The following CFAP44 variants were observed in gnomAD, a reference collection of about 807,000 sequenced individuals.
The protein encoded by CFAP44 is cilia and flagella associated protein 44.
A neutral mutation model predicts 216.2 loss-of-function variants in CFAP44; 134 were observed. That is an observed-to-expected ratio of 0.62 (90% confidence interval 0.54 to 0.72). The LOEUF (loss-of-function observed/expected upper bound fraction) is 0.72, where lower values mean the gene tolerates loss of function less well. CFAP44 is among the 30% of genes least tolerant of loss of function. The probability of loss-of-function intolerance (pLI) is 0.00; values close to 1 mark genes in which losing one functional copy is unlikely to be tolerated. For synonymous variants in CFAP44, 700 were observed against 727.6 expected (o/e 0.96, Z 0.61); for missense variants, 2,035 against 2,182.1 (o/e 0.93, Z 1.34).
chr3:113,340,099 C>T (rs1338227158), intron 24 of CFAP44, among the ~76,000 whole-genome samples: 1 of 152,146 alleles, frequency 6.6e-6, no homozygotes, highest in Non-Finnish European at 1.5e-5. Flanking sequence ...CTGTTGGGCT[C>T]GACCCTTGCC....
rs752337230 is a variant in CFAP44 at position 113,399,911 on chromosome 3, G to A, written c.1564C>T (p.Arg522Ter). 13 of 1,576,156 alleles carry A rather than the reference G, an allele frequency of 8.2e-6. No individual in the cohort carries two copies. The highest frequency in any genetic ancestry group is 6.8e-5 in the African/African-American group (5 of 73,080). ...CATTATAACAACAAACTTACCATTC[G>A]GGGTACCCAAACAAGGGCAGTACCT... ...QGGTALVWVP[R>*]MVNFTGAQII... Residue 522 changes from arginine to a stop codon, truncating the protein, a stop_gained, in exon 13 of 35, where the codon CGA (arginine) becomes TGA (stop). Coordinates refer to ENST00000393845, the MANE Select transcript of CFAP44 (RefSeq NM_001164496.2). LOFTEE classifies it high-confidence loss of function.
At chr3:113,325,792 G>A (rs546296695) in intron 28 of CFAP44, among the ~76,000 whole-genome samples, 50 of 152,302 alleles carry the variant, frequency 3.3e-4, no homozygotes, top group African/African-American at 1.1e-3. Context: ...GGAGGAGTTA[G>A]TCTACCTGAT....
chr3:113,432,017 T>C (rs1935118464), intron 2 of CFAP44: 1 of 152,188 alleles, frequency 6.6e-6, no homozygotes, highest in Non-Finnish European at 1.5e-5. Context: ...ATAATTGTTT[T>C]AATGGGTGAG....
intron 4 of CFAP44, among the ~76,000 whole-genome samples, chr3:113,423,831 C>T (rs1036633755): frequency 6.6e-6 from 1 of 152,192 alleles, no homozygotes; most frequent in Admixed American, 6.5e-5. Context: ...CCAGAGACTC[C>T]AGCACAGCCA....
intron 28 of CFAP44, among the ~76,000 whole-genome samples, chr3:113,322,648 T>C (rs1950155601): frequency 6.6e-6 from 1 of 152,318 alleles, no homozygotes; most frequent in East Asian, 1.9e-4. Flanking sequence ...TGTAAATTAG[T>C]TCAGCCACTG....
intron 3 of CFAP44, among the ~76,000 whole-genome samples, chr3:113,426,487 C>T (rs1934963291): frequency 6.6e-6 from 1 of 152,072 alleles, no homozygotes; most frequent in Non-Finnish European, 1.5e-5. Flanking sequence ...GGGACATTTC[C>T]CTCCTTCGCT....
intron 26 of CFAP44, 64 bp downstream of exon 26, chr3:113,330,104 C>T (rs988339217): frequency 7.6e-6 from 11 of 1,440,350 alleles, no homozygotes; most frequent in Admixed American, 5.6e-5. Context: ...ACAAAAAACC[C>T]GACCCAATTT....
intron 28 of CFAP44, among the ~76,000 whole-genome samples, chr3:113,314,458 A>G (rs1197268287): frequency 1.3e-5 from 2 of 152,212 alleles, no homozygotes; most frequent in Non-Finnish European, 2.9e-5. Flanking sequence ...GGGAAAAATT[A>G]AGACATTATC....
intron 18 of CFAP44, among the ~76,000 whole-genome samples, chr3:113,372,292 C>T (rs933224557): frequency 2.6e-5 from 4 of 152,178 alleles, no homozygotes; most frequent in Non-Finnish European, 4.4e-5. Context: ...ATGTTTATTG[C>T]AGCACCATTC....
intron 22 of CFAP44, among the ~76,000 whole-genome samples, chr3:113,355,001 C>T (rs969541985): frequency 6.6e-6 from 1 of 152,166 alleles, no homozygotes; most frequent in Non-Finnish European, 1.5e-5. Flanking sequence ...AGACGGATCA[C>T]ATCACAAGAC....
At chr3:113,410,678 G>C (rs1214796102) in intron 6 of CFAP44, among the ~76,000 whole-genome samples, 1 of 152,194 alleles carries the variant, frequency 6.6e-6, no homozygotes, top group Non-Finnish European at 1.5e-5. Flanking sequence ...TGGGATGGCT[G>C]GGTCAAATGG....
At chr3:113,378,039 T>C (rs1933400205) in intron 17 of CFAP44, among the ~76,000 whole-genome samples, 1 of 152,168 alleles carries the variant, frequency 6.6e-6, no homozygotes, top group Non-Finnish European at 1.5e-5. Context: ...GTTTTCTGTT[T>C]GTGTTTTGTT....
intron 19 of CFAP44, among the ~76,000 whole-genome samples, chr3:113,364,556 T>C (rs1399864443): frequency 6.6e-6 from 1 of 152,170 alleles, no homozygotes; most frequent in Non-Finnish European, 1.5e-5. Flanking sequence ...TATTCTTTTA[T>C]TGGCCAGAGC....
chr3:113,377,385 T>TTAA (rs1183512542), intron 17 of CFAP44, among the ~76,000 whole-genome samples: 2 of 152,176 alleles, frequency 1.3e-5, no homozygotes, highest in Admixed American at 6.5e-5. Context: ...CCAGTGTAGC[T>TTAA]TAATGGTTGA....
rs1035573555 is a variant in CFAP44 at position 113,396,743 on chromosome 3, A to G, written c.1570-16T>C. 1.4e-5 allele frequency: 23 copies of G among 1,610,398 alleles called. 1 individual carries two copies. Among genetic ancestry groups the G allele is most frequent in the African/African-American group, 6.7e-5 (5 of 74,712 alleles). ...TGAAGTTTACCTTGGAGAAAATTAAAGATAAGGGACCTGAAACTAGTTAAA... is the reference window on the plus strand; with the variant it reads ...TGAAGTTTACCTTGGAGAAAATTAAGGATAAGGGACCTGAAACTAGTTAAA... On this transcript the variant is annotated splice_polypyrimidine_tract_variant and intron_variant, in intron 13 of 34. Transcript: ENST00000393845.
chr3:113,342,021 T>C (rs113423863), intron 23 of CFAP44, 103 bp from the exon 24 acceptor site: 170 of 1,308,404 alleles, frequency 1.3e-4, no homozygotes, highest in African/African-American at 8.8e-4. Flanking sequence ...AGAGAATATA[T>C]TGAATTTGTA....
chr3:113,310,709 C>T (rs929560301), intron 28 of CFAP44, among the ~76,000 whole-genome samples: 6 of 148,238 alleles, frequency 4.0e-5, no homozygotes, highest in Non-Finnish European at 5.9e-5. Context: ...GTGATTGGAT[C>T]ATCAGGGAGG....
chr3:113,358,793 G>A lies in CFAP44; in HGVS notation c.3017C>T (p.Ala1006Val). Reference sequence around the variant, plus strand: ...GAGTTCATGTTTCTCTTTTTCCCAAGCTAATTCCTTTTCCACTTGTTGAAT... The same window carrying A: ...GAGTTCATGTTTCTCTTTTTCCCAAACTAATTCCTTTTCCACTTGTTGAAT... ...FKIQQVEKEL[A>V]WEKEKHELGL... The change falls in exon 22 of 35, where the codon GCT becomes GTT. Residue 1006 changes from alanine to valine, a missense_variant. This residue lies in a region of CFAP44 where 1,883 missense variants were observed against 2,023.7 expected (regional missense o/e 0.93). Transcript: ENST00000393845. 6.5e-7 allele frequency: 1 copy of A among 1,536,716 alleles called. No homozygotes were observed.
At chr3:113,328,253 AT>A (rs1172523435) in intron 26 of CFAP44, among the ~76,000 whole-genome samples, 1 of 121,060 alleles carries the variant, frequency 8.3e-6, no homozygotes, top group Non-Finnish European at 1.8e-5. Context: ...AATGGTAAAT[AT>A]TTTTAAATAG....
Sources: allele counts gnomAD v4.1 joint callset (sites outside exome capture counted in the v4.1 genomes callset), GRCh38; gene constraint gnomAD v4.1.1; regional missense constraint gnomAD v4.1.1; transcripts MANE v1.5; gene names NCBI Gene and HGNC (gene_info 2026-07-23, HGNC 2026-07-21).